The following KCNQ5 variants were observed in gnomAD, a reference collection of about 807,000 sequenced individuals.
The protein encoded by KCNQ5 is potassium voltage-gated channel subfamily KQT member 5.
In KCNQ5, 30 loss-of-function variants were observed where a neutral mutation model predicts 98.2. The ratio of observed to expected loss-of-function variants is 0.31; its 90% CI spans 0.23 to 0.41. The LOEUF is 0.41. Ranked by LOEUF, KCNQ5 falls within the 10% of genes least tolerant of loss-of-function variation. KCNQ5 has a pLI of 1.00. For synonymous variants in KCNQ5, 458 were observed against 449.4 expected (o/e 1.02, Z -0.24); for missense variants, 835 against 1,182.5 (o/e 0.71, Z 4.31).
At chr6:73,148,143 A>G (rs1776996271) in intron 10 of KCNQ5, among the ~76,000 whole-genome samples, 1 of 152,320 alleles carries the variant, frequency 6.6e-6, no homozygotes, top group East Asian at 1.9e-4. Flanking sequence ...ATTGTTTTTG[A>G]AAACTCTCTA....
intron 1 of KCNQ5, among the ~76,000 whole-genome samples, chr6:72,672,858 A>G (rs1442772869): frequency 1.3e-5 from 2 of 152,220 alleles, no homozygotes; most frequent in South Asian, 4.1e-4. Context: ...ATAAAAAATG[A>G]TAGGAATGAT....
chr6:72,623,129 C>T (rs937426169), intron 1 of KCNQ5, among the ~76,000 whole-genome samples: 4 of 152,108 alleles, frequency 2.6e-5, no homozygotes, highest in African/African-American at 9.7e-5. Context: ...CCCGGAAACA[C>T]GCCTCGCCAC....
intron 1 of KCNQ5, chr6:72,807,016 G>A (rs903061795): frequency 8.6e-6 from 2 of 231,820 alleles, no homozygotes; most frequent in Admixed American, 5.5e-5. Context: ...ATTTGTCAAT[G>A]AGAATTTTTA....
chr6:73,045,430 A>C (rs1488707855), intron 3 of KCNQ5, among the ~76,000 whole-genome samples: 10 of 152,164 alleles, frequency 6.6e-5, no homozygotes, highest in Non-Finnish European at 1.2e-4. Context: ...TTCAATTTTT[A>C]TCTCTCCCCT....
chr6:73,133,110 G>A (rs1404073747), intron 9 of KCNQ5, among the ~76,000 whole-genome samples: 2 of 152,162 alleles, frequency 1.3e-5, no homozygotes, highest in African/African-American at 4.8e-5. Flanking sequence ...TGTTTTTCAA[G>A]TGAATTCCAA....
At chr6:73,157,603 G>T (rs1777419068) in intron 10 of KCNQ5, 2 of 771,190 alleles carry the variant, frequency 2.6e-6, no homozygotes, top group Admixed American at 1.7e-5. Context: ...CGGCGGCAAC[G>T]GTAGTGGCAG....
intron 1 of KCNQ5, among the ~76,000 whole-genome samples, chr6:72,864,873 T>G (rs1054857056): frequency 6.6e-6 from 1 of 152,246 alleles, no homozygotes; most frequent in African/African-American, 2.4e-5. Context: ...CATTTGCTAC[T>G]TTCAGTCAGA....
chr6:72,986,114 T>C (rs1025441586), intron 1 of KCNQ5, among the ~76,000 whole-genome samples: 5 of 152,010 alleles, frequency 3.3e-5, no homozygotes, highest in Non-Finnish European at 7.4e-5. Context: ...CCTGTAATCC[T>C]AGCTACTCGG....
At chr6:73,021,444 T>C (rs1157652563) in intron 2 of KCNQ5, among the ~76,000 whole-genome samples, 1 of 152,208 alleles carries the variant, frequency 6.6e-6, no homozygotes, top group African/African-American at 2.4e-5. Context: ...ATTGTCTTTA[T>C]AGAATTTATA....
intron 1 of KCNQ5, among the ~76,000 whole-genome samples, chr6:72,950,282 T>G (rs888428478): frequency 6.6e-6 from 1 of 152,220 alleles, no homozygotes; most frequent in Non-Finnish European, 1.5e-5. Flanking sequence ...GCAGCCAATC[T>G]TGGTAAACAA....
chr6:72,657,207 C>T (rs1044865899), intron 1 of KCNQ5, among the ~76,000 whole-genome samples: 7 of 151,876 alleles, frequency 4.6e-5, no homozygotes, highest in Non-Finnish European at 7.4e-5. Context: ...AAGACCCTGC[C>T]TCTAAAACTA....
chr6:72,631,607 G>A (rs10943045), intron 1 of KCNQ5, among the ~76,000 whole-genome samples: 5 of 152,122 alleles, frequency 3.3e-5, no homozygotes, highest in Non-Finnish European at 5.9e-5. Context: ...CTTCAGTGAT[G>A]TTATAAACTC....
chr6:72,899,250 T>C (rs1339811304), intron 1 of KCNQ5, among the ~76,000 whole-genome samples: 1 of 152,202 alleles, frequency 6.6e-6, no homozygotes, highest in Non-Finnish European at 1.5e-5. Context: ...ATATTCCATG[T>C]TTTTCTCAAA....
intron 2 of KCNQ5, among the ~76,000 whole-genome samples, chr6:73,023,200 G>T (rs527242317): frequency 3.3e-5 from 5 of 152,180 alleles, no homozygotes; most frequent in African/African-American, 1.2e-4. Flanking sequence ...AGCCATCAAG[G>T]GGTGGTGTTT....
At chr6:72,987,688 G>GC in intron 1 of KCNQ5, 1 of 590,484 alleles carries the variant, frequency 1.7e-6, no homozygotes, top group East Asian at 4.1e-5. Context: ...CTTCTCCACC[G>GC]CCCCCAACAA....
Position 73,105,368 on chromosome 6 carries a change from G to A in KCNQ5, c.1029+1G>A, listed in dbSNP as rs1273139518. On this transcript the variant is annotated splice_donor_variant, in intron 6 of 13. Coordinates refer to ENST00000370398, the MANE Select transcript of KCNQ5 (RefSeq NM_019842.4). LOFTEE classifies it high-confidence loss of function. ...CATTTCTTTCTTTGCACTTCCTGCC[G>A]TGAGTATCTTTGCACCAATAAAGCA... 1.3e-6 allele frequency: 2 copies of A among 1,589,910 alleles called. No individual in the cohort carries two copies. Among genetic ancestry groups the A allele is most frequent in the African/African-American group, 1.3e-5 (1 of 74,376 alleles).
chr6:72,962,781 G>T (rs1465562645), intron 1 of KCNQ5, among the ~76,000 whole-genome samples: 1 of 152,128 alleles, frequency 6.6e-6, no homozygotes, highest in Non-Finnish European at 1.5e-5. Flanking sequence ...AGGACTGGAT[G>T]GAGACAATTT....
intron 1 of KCNQ5, among the ~76,000 whole-genome samples, chr6:72,755,781 T>C (rs1771935744): frequency 6.6e-6 from 1 of 152,256 alleles, no homozygotes; most frequent in African/African-American, 2.4e-5. Context: ...TGTACCTTTA[T>C]TTCTATCATT....
chr6:73,118,809 TGAG>T (rs1369178955), intron 7 of KCNQ5, among the ~76,000 whole-genome samples: 1 of 151,922 alleles, frequency 6.6e-6, no homozygotes, highest in Non-Finnish European at 1.5e-5. Flanking sequence ...TCACCTGAGG[TGAG>T]GAGTTCAAGA....
Sources: gnomAD v4.1 joint callset for allele counts (sites outside exome capture counted in the v4.1 genomes callset) on GRCh38, gnomAD v4.1.1 for gene constraint, MANE v1.5 for transcripts, NCBI Gene and HGNC (gene_info 2026-07-23, HGNC 2026-07-21) for gene names.